Variants in CSMD2 observed in about 807,000 individuals in gnomAD.
CSMD2 encodes CUB and Sushi multiple domains 2, also known as CUB and sushi domain-containing protein 2.
A neutral mutation model predicts 398.5 loss-of-function variants in CSMD2; 130 were observed. The ratio of observed to expected loss-of-function variants is 0.33; its 90% CI spans 0.28 to 0.38. CSMD2 has a LOEUF of 0.38. Among genes scored for constraint, CSMD2 ranks in the 10% least tolerant of loss-of-function variants. The pLI is 1.00. For missense variants in CSMD2, 3,829 were observed against 4,764.9 expected, an observed-to-expected ratio of 0.80 and a Z score of 5.78; for synonymous variants, 1,828 against 1,908.5, an observed-to-expected ratio of 0.96 and a Z score of 1.10.
rs778569152 is a variant in CSMD2, at chr1:33,519,705, G to A, written c.10737-28C>T. ...GGCGATAAAAGAGGAAGTGCCCACGGCATGAAAAGAGCGACACAGAGAGGC... is the reference window on the plus strand; with the variant it reads ...GGCGATAAAAGAGGAAGTGCCCACGACATGAAAAGAGCGACACAGAGAGGC... On this transcript the variant is annotated intron_variant, in intron 69 of 70. Coordinates refer to ENST00000373381, the MANE Select transcript of CSMD2 (RefSeq NM_001281956.2). This position sits in a 1 kb window ranked among gnomAD's most constrained non-coding sequence, Gnocchi z 5.6. 1.9e-6 allele frequency: 3 copies of A among 1,613,956 alleles called. No individual in the cohort carries two copies. Among genetic ancestry groups the A allele is most frequent in the South Asian group, 2.2e-5 (2 of 91,058 alleles).
chr1:34,014,749 G>A (rs1280781664), intron 3 of CSMD2, among the ~76,000 whole-genome samples: 1 of 152,232 alleles, frequency 6.6e-6, no homozygotes, highest in Non-Finnish European at 1.5e-5. Flanking sequence ...AGGTATTCAA[G>A]GCATATGAAT....
chr1:34,015,111 T>C (rs779227753), intron 3 of CSMD2, among the ~76,000 whole-genome samples: 20 of 152,294 alleles, frequency 1.3e-4, no homozygotes, highest in Middle Eastern at 3.4e-3. Context: ...CACAGAAGCT[T>C]TAGGAGAAGT....
chr1:33,894,210 C>T (rs1642229118), intron 5 of CSMD2, among the ~76,000 whole-genome samples: 1 of 152,176 alleles, frequency 6.6e-6, no homozygotes. Context: ...CACTCCAGAG[C>T]TGCCTAGGCC....
At chr1:34,032,542 C>CTAT in intron 3 of CSMD2, 52 bp downstream of exon 3, 1 of 1,190,502 alleles carries the variant, frequency 8.4e-7, no homozygotes, top group Non-Finnish European at 1.2e-6. Flanking sequence ...CTGCTTGTGG[C>CTAT]TATTAGGACA....
At chr1:33,728,774 G>A (rs893137104) in intron 15 of CSMD2, among the ~76,000 whole-genome samples, 2 of 152,214 alleles carry the variant, frequency 1.3e-5, no homozygotes, top group African/African-American at 2.4e-5. Flanking sequence ...TAAATGGCAC[G>A]TACTATTATC....
chr1:33,716,593 G>A (rs1557779798), intron 19 of CSMD2, 92 bp from the exon 20 acceptor site: 2 of 888,578 alleles, frequency 2.3e-6, no homozygotes, highest in Non-Finnish European at 3.6e-6. Flanking sequence ...TTTCCAGTTT[G>A]CAAATGTCTA....
intron 22 of CSMD2, among the ~76,000 whole-genome samples, chr1:33,702,352 A>G (rs1421655672): frequency 1.3e-5 from 2 of 152,236 alleles, no homozygotes; most frequent in African/African-American, 4.8e-5. Context: ...ATTATGGTTA[A>G]TTAATAAAAA....
At position 33,970,213 on chromosome 1, in the gene CSMD2, ATGAG is replaced by A. The variant is rs757186170; in HGVS notation, c.518-34263_518-34260del. On this transcript the variant is annotated intron_variant, in intron 3 of 70. Transcript: ENST00000373381. ...CTTAGATGAATGAATGAATGAATGA[ATGAG>A]TGAGTGAGTGTGTATGCTTCAGATG... is the stretch of plus-strand genomic sequence containing the variant. Among the ~76,000 whole-genome samples, 155 of 152,246 alleles carry A rather than the reference ATGAG, an allele frequency of 1.0e-3. 2 individuals carry two copies. Among genetic ancestry groups the A allele is most frequent in the African/African-American group, 3.6e-3 (150 of 41,562 alleles).
rs80344421 is a variant in CSMD2 at position 33,535,290 on chromosome 1, C to T, written c.9880-1383G>A. Among the ~76,000 whole-genome samples, 601 of 152,234 alleles carry T rather than the reference C, an allele frequency of 3.9e-3. 4 individuals carry two copies. Among genetic ancestry groups the T allele is most frequent in the African/African-American group, 0.014 (564 of 41,544 alleles). ...CTTTCCCTGCTGTGTTCCTCAACAC[C>T]CCTCCGTAGTAATGGCTGTCTTGAA... is the stretch of plus-strand genomic sequence containing the variant. On this transcript the variant is annotated intron_variant, in intron 62 of 70. Transcript: ENST00000373381.
chr1:33,709,441 AT>A, intron 21 of CSMD2, 183 bp from the exon 22 acceptor site: 1 of 565,874 alleles, frequency 1.8e-6, no homozygotes, highest in Non-Finnish European at 3.1e-6. Flanking sequence ...TAAAAAAAAA[AT>A]ACTTCCCTAC....
intron 3 of CSMD2, among the ~76,000 whole-genome samples, chr1:33,971,719 G>A (rs1403112490): frequency 2.0e-5 from 3 of 152,188 alleles, no homozygotes; most frequent in East Asian, 3.9e-4. Flanking sequence ...CAGGTTGGGC[G>A]GGTGCCTGTT....
chr1:33,755,899 T>C (rs1484415800), intron 13 of CSMD2, among the ~76,000 whole-genome samples: 1 of 152,150 alleles, frequency 6.6e-6, no homozygotes, highest in African/African-American at 2.4e-5. Flanking sequence ...GACACCTGGC[T>C]TGTACACAAG....
intron 65 of CSMD2, among the ~76,000 whole-genome samples, chr1:33,526,206 G>A (rs1000133975): frequency 1.3e-5 from 2 of 152,280 alleles, no homozygotes; most frequent in African/African-American, 4.8e-5. Context: ...GAGGAGAAAA[G>A]GAAAGGTGTT....
chr1:33,614,058 A>G (rs1318570861), intron 40 of CSMD2, among the ~76,000 whole-genome samples: 2 of 152,198 alleles, frequency 1.3e-5, no homozygotes, highest in Non-Finnish European at 2.9e-5. Flanking sequence ...ATTTGGCTCA[A>G]TTTAATTAGG....
chr1:33,865,428 G>C (rs1639956819), intron 5 of CSMD2, among the ~76,000 whole-genome samples: 1 of 151,958 alleles, frequency 6.6e-6, no homozygotes, highest in African/African-American at 2.4e-5. Context: ...CAGGGGGCTG[G>C]GGAACCAGAT....
At chr1:33,683,385 G>A (rs1023068695) in intron 25 of CSMD2, among the ~76,000 whole-genome samples, 15 of 152,068 alleles carry the variant, frequency 9.9e-5, no homozygotes, top group African/African-American at 3.6e-4. Context: ...TTAATGAGTG[G>A]TATGTTTTAA....
chr1:34,003,004 C>T (rs932115703), intron 3 of CSMD2, among the ~76,000 whole-genome samples: 12 of 152,298 alleles, frequency 7.9e-5, no homozygotes, highest in African/African-American at 2.9e-4. Context: ...CAGGCTCCCT[C>T]ATTGGATAGC....
intron 25 of CSMD2, among the ~76,000 whole-genome samples, chr1:33,670,711 T>C (rs1447917600): frequency 6.6e-6 from 1 of 152,242 alleles, no homozygotes; most frequent in East Asian, 1.9e-4. Context: ...CCTACAGTGA[T>C]ACTGATAGTC....
intron 3 of CSMD2, among the ~76,000 whole-genome samples, chr1:34,029,163 TG>T (rs1241774935): frequency 6.6e-6 from 1 of 152,176 alleles, no homozygotes; most frequent in East Asian, 1.9e-4. Flanking sequence ...CAGCCTAGGC[TG>T]GAAGTGGGGG....
Sources: allele counts gnomAD v4.1 joint callset (sites outside exome capture counted in the v4.1 genomes callset), GRCh38; gene constraint gnomAD v4.1.1; non-coding constraint Gnocchi (gnomAD v3.1); transcripts MANE v1.5; gene names NCBI Gene and HGNC (gene_info 2026-07-23, HGNC 2026-07-21).